The following KANK1 variants were observed in gnomAD, a reference collection of about 807,000 sequenced individuals.
KANK1 encodes the protein KN motif and ankyrin repeat domains 1, also known as KN motif and ankyrin repeat domain-containing protein 1.
KANK1 carries 109 observed loss-of-function variants against 106.2 expected under a neutral mutation model. The ratio of observed to expected loss-of-function variants is 1.03; its 90% confidence interval spans 0.88 to 1.20. KANK1 has a LOEUF of 1.20. Among genes scored for constraint, KANK1 ranks in the 50% most tolerant of loss-of-function variants. The pLI is 0.00. For missense variants in KANK1, 2,399 were observed against 1,710.7 expected (o/e 1.40, Z -7.10); for synonymous variants, 873 against 652.2 (o/e 1.34, Z -5.16).
At chr9:744,435 G>GT (rs1433370391) in intron 10 of KANK1, 56 bp from the exon 11 acceptor site, 14 of 1,569,426 alleles carry the variant, frequency 8.9e-6, no homozygotes, top group Middle Eastern at 3.8e-4. Context: ...TTACCTTTCG[G>GT]TTGTCTGGAG....
At chr9:670,962 T>G (rs1570476) in intron 1 of KANK1, among the ~76,000 whole-genome samples, 20,759 of 142,574 alleles carry the variant, frequency 0.15, 2,141 homozygotes, top group East Asian at 0.3. Flanking sequence ...TTTTTTTTTT[T>G]TTTTTTTTTT....
At chr9:610,855 A>G (rs1424403142) in intron 1 of KANK1, among the ~76,000 whole-genome samples, 1 of 152,192 alleles carries the variant, frequency 6.6e-6, no homozygotes, top group Non-Finnish European at 1.5e-5. Context: ...TTTTCTGGGA[A>G]CTGAGACTGG....
intron 1 of KANK1, chr9:673,397 A>C (rs1815674804): frequency 6.6e-6 from 1 of 152,066 alleles, no homozygotes; most frequent in Non-Finnish European, 1.5e-5. Context: ...TGTAGTAGAG[A>C]TGGGATTTTG....
intron 3 of KANK1, among the ~76,000 whole-genome samples, chr9:486,310 C>T (rs2058292459): frequency 1.3e-5 from 2 of 152,094 alleles, no homozygotes; most frequent in Admixed American, 6.6e-5. Flanking sequence ...ATTTTGTAAC[C>T]CTGAATTTGA....
intron 1 of KANK1, among the ~76,000 whole-genome samples, chr9:612,417 C>T (rs1830782231): frequency 6.6e-6 from 1 of 152,180 alleles, no homozygotes; most frequent in Non-Finnish European, 1.5e-5. Flanking sequence ...GTTTCTTAGA[C>T]ATGATGTCTG....
Position 738,359 on chromosome 9 carries a change from G to T in KANK1, c.3408G>T (p.Val1136=), listed in dbSNP as rs747508454. 17 of 1,614,026 alleles carry T rather than the reference G, an allele frequency of 1.1e-5. No individual in the cohort carries two copies. Among genetic ancestry groups the T allele is most frequent in the Non-Finnish European group, 1.4e-5 (16 of 1,180,038 alleles). ...SSQKSAIPAM[V]GDYIAAFEAI... Reference sequence around the variant, plus strand: ...AGAAGTCAGCCATTCCAGCCATGGTGGGGGACTACATAGCTGCTTTTGAGG... The same window carrying T: ...AGAAGTCAGCCATTCCAGCCATGGTTGGGGACTACATAGCTGCTTTTGAGG... The change falls in exon 8 of 12, where the codon GTG becomes GTT. Residue 1136 remains valine (V), a synonymous_variant. Transcript: ENST00000382297.
At position 711,327 on chromosome 9, in the gene KANK1, T is replaced by G. The variant is rs139983081; in HGVS notation, c.561T>G (p.Phe187Leu). The stretch of plus-strand genomic sequence containing the variant: ...TCAGAAGGCCCAGGCTGGCCAGTTT[T>G]GGAGGCATGGGCACCACAAGCTCCC... ...GEFRRPRLAS[F>L]GGMGTTSSLP... The change falls in exon 3 of 12, where the codon TTT becomes TTG. Residue 187 changes from phenylalanine to leucine, a missense_variant. Physicochemically the swap from Phe to Leu is conservative, Grantham distance 22. Coordinates refer to ENST00000382297, the MANE Select transcript of KANK1 (RefSeq NM_015158.5). The G allele has an allele frequency of 6.2e-7, 1 of 1,614,062 alleles. No homozygotes were observed. Among genetic ancestry groups the G allele is most frequent in the East Asian group, 2.2e-5 (1 of 44,894 alleles).
In KANK1 at chr9:490,907, C is replaced by T. The variant is rs141702594; in HGVS notation, c.-362+17634C>T. Among the ~76,000 whole-genome samples, 789 of 147,860 alleles carry T rather than the reference C, an allele frequency of 5.3e-3. 1 individual carries two copies. Among genetic ancestry groups the T allele is most frequent in the Non-Finnish European group, 9.3e-3 (625 of 67,504 alleles). On this transcript the variant is annotated intron_variant, in intron 3 of 15. Transcript: ENST00000382303. ...AGAATATAGATGGCAATAAGTGCTA[C>T]GAAAAAAGATGAGGAGAACAAAGAT...
chr9:574,728 G>T (rs1464641716), intron 1 of KANK1, among the ~76,000 whole-genome samples: 4 of 151,830 alleles, frequency 2.6e-5, no homozygotes, highest in Admixed American at 1.3e-4. Flanking sequence ...GGTGGCACGT[G>T]CCTGTGGTCC....
At chr9:502,791 G>T (rs1476647213), upstream of KANK1, among the ~76,000 whole-genome samples, 1 of 152,066 alleles carries the variant, frequency 6.6e-6, no homozygotes, top group Non-Finnish European at 1.5e-5. Context: ...CTCACAAAGT[G>T]CTGGGATTAT....
At chr9:572,489 T>C (rs1034940613) in intron 1 of KANK1, among the ~76,000 whole-genome samples, 1 of 152,000 alleles carries the variant, frequency 6.6e-6, no homozygotes, top group Admixed American at 6.6e-5. Context: ...GAGGTGGAGC[T>C]TGCAGTGAGC....
intron 1 of KANK1, among the ~76,000 whole-genome samples, chr9:670,337 G>C (rs1172933524): frequency 6.6e-6 from 1 of 152,110 alleles, no homozygotes; most frequent in Non-Finnish European, 1.5e-5. Context: ...TCTCTGTCTA[G>C]TCTGTTTTGG....
chr9:736,186 C>T (rs1278561855), intron 7 of KANK1, among the ~76,000 whole-genome samples: 1 of 152,194 alleles, frequency 6.6e-6, no homozygotes, highest in African/African-American at 2.4e-5. Context: ...TCTCGATCTC[C>T]TGACCTCGTG....
chr9:520,518 G>A (rs1028678572), intron 1 of KANK1, among the ~76,000 whole-genome samples: 1 of 151,658 alleles, frequency 6.6e-6, no homozygotes, highest in African/African-American at 2.4e-5. Flanking sequence ...TATAAGTCAC[G>A]TGACAATGGG....
chr9:716,777 C>G (rs1179169861), intron 3 of KANK1, among the ~76,000 whole-genome samples: 8 of 152,142 alleles, frequency 5.3e-5, no homozygotes, highest in Admixed American at 2.0e-4. Flanking sequence ...ATTAATAGTT[C>G]AAGCATAGGC....
At chr9:641,824 G>C (rs1386729181) in intron 1 of KANK1, among the ~76,000 whole-genome samples, 1 of 152,076 alleles carries the variant, frequency 6.6e-6, no homozygotes, top group Non-Finnish European at 1.5e-5. Context: ...CTTTATTAAG[G>C]TATAATTCAC....
intron 3 of KANK1, among the ~76,000 whole-genome samples, chr9:727,071 T>A (rs1830873114): frequency 6.6e-6 from 1 of 152,250 alleles, no homozygotes; most frequent in Admixed American, 6.5e-5. Flanking sequence ...TTCTCCTATA[T>A]CAAGATTTGT....
At chr9:548,223 C>T (rs1356408589) in intron 1 of KANK1, among the ~76,000 whole-genome samples, 1 of 152,152 alleles carries the variant, frequency 6.6e-6, no homozygotes. Flanking sequence ...AGCAGTCATT[C>T]TAAACCACAT....
chr9:598,356 T>C (rs988030642), intron 1 of KANK1, among the ~76,000 whole-genome samples: 4 of 151,640 alleles, frequency 2.6e-5, no homozygotes, highest in African/African-American at 7.3e-5. Flanking sequence ...CCCTTTCAGC[T>C]TCATACGAAT....
Sources: allele counts gnomAD v4.1 joint callset (sites outside exome capture counted in the v4.1 genomes callset), GRCh38; gene constraint gnomAD v4.1.1; transcripts MANE v1.5; gene names NCBI Gene and HGNC (gene_info 2026-07-23, HGNC 2026-07-21).